The following FGGY variants were observed in gnomAD, a reference collection of about 807,000 sequenced individuals.
FGGY encodes FGGY carbohydrate kinase domain-containing protein.
Under a neutral mutation model 71.3 loss-of-function variants are expected in FGGY, and 72 were observed. The observed-to-expected ratio is 1.01, with a 90% CI of 0.84 to 1.23. The LOEUF (loss-of-function observed/expected upper bound fraction) is 1.23. Among genes scored for constraint, FGGY ranks in the 50% most tolerant of loss-of-function variants. The pLI is 0.00. For missense variants in FGGY, 668 were observed against 682.3 expected, an observed-to-expected ratio of 0.98 and a Z score of 0.23; for synonymous variants, 251 against 250.3, an observed-to-expected ratio of 1.00 and a Z score of -0.02.
intron 14 of FGGY, among the ~76,000 whole-genome samples, chr1:59,721,156 C>T (rs948359594): frequency 6.6e-6 from 1 of 152,058 alleles, no homozygotes; most frequent in African/African-American, 2.4e-5. Context: ...CCTTGCCCTA[C>T]TTGATGTTTT....
chr1:59,758,082 G>A, intron 15 of FGGY, 90 bp downstream of exon 15: 1 of 879,974 alleles, frequency 1.1e-6, no homozygotes, highest in Non-Finnish European at 1.8e-6. Flanking sequence ...AACTCAGGTG[G>A]TCAACTAATC....
intron 9 of FGGY, among the ~76,000 whole-genome samples, chr1:59,625,496 G>T (rs61788913): frequency 0.089 from 13,537 of 151,994 alleles, 808 homozygotes; most frequent in Middle Eastern, 0.17. Context: ...TTTTTTTAAT[G>T]AGGGTTTTTT....
chr1:59,512,580 C>CAA (rs1193909392), intron 7 of FGGY, 141 bp downstream of exon 7: 6 of 738,442 alleles, frequency 8.1e-6, no homozygotes, highest in African/African-American at 1.8e-5. Flanking sequence ...AGCCTTTTTA[C>CAA]AGCTAGGCAT....
chr1:59,461,399 C>T (rs1023564330), intron 6 of FGGY, among the ~76,000 whole-genome samples: 1 of 152,136 alleles, frequency 6.6e-6, no homozygotes, highest in African/African-American at 2.4e-5. Flanking sequence ...CGAATGAAGC[C>T]TCCAAGAAAT....
chr1:59,298,035 T>C (rs906148674), intron 1 of FGGY, among the ~76,000 whole-genome samples: 1 of 152,228 alleles, frequency 6.6e-6, no homozygotes, highest in African/African-American at 2.4e-5. Flanking sequence ...TAAATCAGAA[T>C]GAAAGAAGGG....
intron 6 of FGGY, among the ~76,000 whole-genome samples, chr1:59,473,237 G>A (rs951816211): frequency 1.3e-5 from 2 of 151,870 alleles, no homozygotes; most frequent in Non-Finnish European, 2.9e-5. Context: ...GCGAGACCAC[G>A]AACCCACCGG....
At chr1:59,406,091 T>TTTAA (rs2062694043) in intron 5 of FGGY, among the ~76,000 whole-genome samples, 1 of 151,934 alleles carries the variant, frequency 6.6e-6, no homozygotes. Flanking sequence ...AAAAAGCTTT[T>TTTAA]TTAAGCCTGT....
chr1:59,719,644 A>G (rs1459615649), intron 14 of FGGY, among the ~76,000 whole-genome samples: 2 of 152,212 alleles, frequency 1.3e-5, no homozygotes, highest in Non-Finnish European at 1.5e-5. Context: ...GAGAGCCTGC[A>G]TTTCTCCAGA....
intron 9 of FGGY, among the ~76,000 whole-genome samples, chr1:59,619,129 TC>T (rs2153833166): frequency 6.6e-6 from 1 of 152,236 alleles, no homozygotes; most frequent in South Asian, 2.1e-4. Context: ...TGATAGCTCT[TC>T]AGTTGTCATT....
rs2093844741 is a variant in FGGY, at chr1:59,491,135, CT to C, written c.671-21174del. ...CCTTCCCTCCTTCCTTCCTTCCTTC[CT>C]TCCTTCCTTTCTCTCTTTCTCTCTT... is the stretch of plus-strand genomic sequence containing the variant. On this transcript the variant is annotated intron_variant, in intron 6 of 15. Transcript: ENST00000303721. Among the ~76,000 whole-genome samples the C allele has an allele frequency of 2.2e-5, 2 of 91,786 alleles. 1 individual carries two copies. Among genetic ancestry groups the C allele is most frequent in the Admixed American group, 2.5e-4 (2 of 8,154 alleles). The allele number at this position is 91,786 out of a possible 152,430, so 60.2% of individuals were successfully genotyped here.
chr1:59,717,910 A>G (rs967003399), intron 14 of FGGY, among the ~76,000 whole-genome samples: 5 of 152,148 alleles, frequency 3.3e-5, no homozygotes, highest in Non-Finnish European at 7.4e-5. Context: ...GAGAAACCCT[A>G]TTAGATTGGG....
chr1:59,629,224 T>A (rs1422676940), intron 10 of FGGY, among the ~76,000 whole-genome samples: 1 of 151,872 alleles, frequency 6.6e-6, no homozygotes, highest in African/African-American at 2.4e-5. Context: ...AATGAATAAA[T>A]AATAAATAAA....
intron 7 of FGGY, among the ~76,000 whole-genome samples, chr1:59,546,616 G>A (rs1187125544): frequency 5.3e-5 from 8 of 150,674 alleles, no homozygotes; most frequent in African/African-American, 1.5e-4. Flanking sequence ...TGCAATCTCC[G>A]GCTCAGTGCA....
chr1:59,530,529 T>C (rs1180984226), intron 7 of FGGY, among the ~76,000 whole-genome samples: 4 of 152,142 alleles, frequency 2.6e-5, no homozygotes, highest in Non-Finnish European at 5.9e-5. Flanking sequence ...GTCTGGGCTA[T>C]TACAGGAGTC....
intron 8 of FGGY, among the ~76,000 whole-genome samples, chr1:59,574,309 C>T (rs2096041808): frequency 6.6e-6 from 1 of 152,180 alleles, no homozygotes. Context: ...GTTTCATTGC[C>T]TCCTCCTCAT....
intron 9 of FGGY, among the ~76,000 whole-genome samples, chr1:59,618,598 T>G (rs908338283): frequency 6.6e-6 from 1 of 152,106 alleles, no homozygotes; most frequent in Non-Finnish European, 1.5e-5. Flanking sequence ...TTGGCAGGCT[T>G]TGTAAGGCCA....
chr1:59,416,292 T>TA (rs1356609885), intron 5 of FGGY, among the ~76,000 whole-genome samples: 1 of 152,184 alleles, frequency 6.6e-6, no homozygotes, highest in Non-Finnish European at 1.5e-5. Context: ...CATCCTTATG[T>TA]AACAGCATAA....
intron 12 of FGGY, among the ~76,000 whole-genome samples, chr1:59,665,131 G>A (rs2097311771): frequency 6.6e-6 from 1 of 152,164 alleles, no homozygotes; most frequent in African/African-American, 2.4e-5. Context: ...TCAGGCATCT[G>A]TAGACCTCCT....
chr1:59,682,393 G>A (rs908245884), intron 14 of FGGY, among the ~76,000 whole-genome samples: 8 of 152,214 alleles, frequency 5.3e-5, no homozygotes, highest in African/African-American at 1.9e-4. Context: ...CAGGTAAACA[G>A]AGGGCACCCT....
Sources: allele counts gnomAD v4.1 joint callset (sites outside exome capture counted in the v4.1 genomes callset), GRCh38; gene constraint gnomAD v4.1.1; transcripts MANE v1.5; gene names NCBI Gene and HGNC (gene_info 2026-07-23, HGNC 2026-07-21).